The following EPHA6 variants were observed in gnomAD, a reference collection of about 807,000 sequenced individuals.
The protein encoded by EPHA6 is EPH receptor A6.
EPHA6 carries 50 observed loss-of-function variants against 112.0 expected under a neutral mutation model. That is an observed-to-expected ratio of 0.45 (90% CI 0.36 to 0.56). EPHA6 has a LOEUF of 0.56. EPHA6 is among the 20% of genes least tolerant of loss of function. The pLI is 0.00. For synonymous variants in EPHA6, 529 were observed against 490.7 expected (o/e 1.08, Z -1.03); for missense variants, 1,280 against 1,417.4 (o/e 0.90, Z 1.56).
intron 2 of EPHA6, among the ~76,000 whole-genome samples, chr3:96,983,225 G>T (rs565385256): frequency 6.6e-6 from 1 of 152,240 alleles, no homozygotes; most frequent in South Asian, 2.1e-4. Context: ...GCTTCCTTCA[G>T]GAGCTCTTGT....
intron 3 of EPHA6, among the ~76,000 whole-genome samples, chr3:97,225,472 T>C (rs889273695): frequency 2.4e-4 from 37 of 152,238 alleles, no homozygotes; most frequent in Non-Finnish European, 2.4e-4. Flanking sequence ...ATGTTTCTCA[T>C]ATATTATTTA....
chr3:97,185,129 C>T (rs1328489740), intron 3 of EPHA6, among the ~76,000 whole-genome samples: 1 of 152,146 alleles, frequency 6.6e-6, no homozygotes, highest in African/African-American at 2.4e-5. Context: ...AAAACCTAGG[C>T]AATACCATTC....
intron 3 of EPHA6, among the ~76,000 whole-genome samples, chr3:97,029,740 GTTTA>G (rs2044759467): frequency 6.6e-6 from 1 of 151,996 alleles, no homozygotes; most frequent in East Asian, 1.9e-4. Context: ...TCTCATCAAA[GTTTA>G]TTTAAAGAAC....
chr3:97,466,261 C>T (rs1352552133), intron 7 of EPHA6: 2 of 1,118,164 alleles, frequency 1.8e-6, no homozygotes, highest in South Asian at 1.2e-5. Flanking sequence ...CAAAAGATGA[C>T]AGTAAGGTTA....
rs1429577242 is a variant in EPHA6 at position 97,546,527 on chromosome 3, C to A, written c.2386+13984C>A. On this transcript the variant is annotated intron_variant, in intron 11 of 17. Transcript: ENST00000389672. ...TTCCTTCATTTCAACTTTGGTAAAT[C>A]TGACAATTATGTGTCTTGGGGTTGC... is the stretch of plus-strand genomic sequence containing the variant. Among the ~76,000 whole-genome samples, 6 of 152,240 alleles carry A rather than the reference C, an allele frequency of 3.9e-5. No individual in the cohort carries two copies. In the South Asian group the frequency reaches 1.2e-3, roughly 32 times the overall value.
rs553666021 is a variant in EPHA6, at chr3:96,970,507, G to A, written c.451-16823G>A. Among the ~76,000 whole-genome samples the A allele has an allele frequency of 3.9e-5, 6 of 152,144 alleles. No homozygotes were observed. The South Asian group carries it at 1.2e-3, about 32-fold the overall frequency. On this transcript the variant is annotated intron_variant, in intron 2 of 17. Transcript: ENST00000389672. Reference sequence around the variant, plus strand: ...AAAGTTTACATATTTTCCATCTCATGTCATATATAGAATCATTACTTGAGC... The same window carrying A: ...AAAGTTTACATATTTTCCATCTCATATCATATATAGAATCATTACTTGAGC...
chr3:97,053,445 C>G (rs1374947969), intron 3 of EPHA6, among the ~76,000 whole-genome samples: 1 of 152,080 alleles, frequency 6.6e-6, no homozygotes, highest in Non-Finnish European at 1.5e-5. Flanking sequence ...AATTCCTCTT[C>G]TGACCACAGT....
chr3:97,421,178 C>T (rs1054692475), intron 6 of EPHA6, among the ~76,000 whole-genome samples: 2 of 151,844 alleles, frequency 1.3e-5, no homozygotes, highest in African/African-American at 4.8e-5. Context: ...TAGAGGATCT[C>T]GCCATTCCAA....
chr3:97,725,869 C>G (rs760458898), intron 15 of EPHA6, among the ~76,000 whole-genome samples: 4 of 152,060 alleles, frequency 2.6e-5, no homozygotes, highest in Non-Finnish European at 5.9e-5. Flanking sequence ...CTAGAAAGAT[C>G]TGGGATCGAA....
At chr3:97,172,241 A>G (rs1227216539) in intron 3 of EPHA6, among the ~76,000 whole-genome samples, 1 of 152,064 alleles carries the variant, frequency 6.6e-6, no homozygotes, top group African/African-American at 2.4e-5. Flanking sequence ...TAACTATTAT[A>G]TCTTACCTAT....
intron 10 of EPHA6, among the ~76,000 whole-genome samples, chr3:97,510,004 A>G (rs879513166): frequency 6.6e-6 from 1 of 152,096 alleles, no homozygotes. Context: ...TGTACACTTC[A>G]TGAACTTCTT....
intron 3 of EPHA6, among the ~76,000 whole-genome samples, chr3:97,093,514 C>T (rs941158367): frequency 6.6e-6 from 1 of 152,010 alleles, no homozygotes; most frequent in African/African-American, 2.4e-5. Context: ...CGTGTAACTG[C>T]ACTCCAGCCT....
intron 2 of EPHA6, among the ~76,000 whole-genome samples, chr3:96,947,004 C>G (rs1189394062): frequency 6.6e-6 from 1 of 151,286 alleles, no homozygotes; most frequent in Non-Finnish European, 1.5e-5. Flanking sequence ...TATCCTTCGC[C>G]CACTTTTTGA....
intron 14 of EPHA6, among the ~76,000 whole-genome samples, chr3:97,662,231 A>G (rs1375483048): frequency 3.9e-5 from 6 of 152,204 alleles, no homozygotes; most frequent in Non-Finnish European, 8.8e-5. Context: ...CTTTATGTGA[A>G]TATCTCCTGA....
chr3:96,941,203 T>C (rs1288967124), intron 2 of EPHA6, among the ~76,000 whole-genome samples: 2 of 152,226 alleles, frequency 1.3e-5, no homozygotes, highest in African/African-American at 4.8e-5. Context: ...TTTTCCAACT[T>C]GGTTCCATTC....
intron 5 of EPHA6, among the ~76,000 whole-genome samples, chr3:97,318,278 G>C (rs1188842289): frequency 6.6e-6 from 1 of 152,010 alleles, no homozygotes; most frequent in Non-Finnish European, 1.5e-5. Context: ...AATCTTCACT[G>C]ATGAAGAATT....
At chr3:97,726,849 A>C (rs1400396465) in intron 15 of EPHA6, among the ~76,000 whole-genome samples, 2 of 152,066 alleles carry the variant, frequency 1.3e-5, no homozygotes, top group Admixed American at 1.3e-4. Flanking sequence ...GCAAAACACG[A>C]ACAGCAGGCA....
At chr3:97,124,490 A>AAAGG (rs1491163808) in intron 3 of EPHA6, among the ~76,000 whole-genome samples, 1 of 145,694 alleles carries the variant, frequency 6.9e-6, no homozygotes, top group Non-Finnish European at 1.5e-5. Flanking sequence ...AGAAAGAAAG[A>AAAGG]AAGAAAGAAA....
chr3:97,295,503 G>T (rs2080843307), intron 5 of EPHA6, among the ~76,000 whole-genome samples: 1 of 147,218 alleles, frequency 6.8e-6, no homozygotes, highest in African/African-American at 2.5e-5. Context: ...TGTATTGTTT[G>T]TTTGTGTTTT....
Sources: gnomAD v4.1 joint callset for allele counts (sites outside exome capture counted in the v4.1 genomes callset) on GRCh38, gnomAD v4.1.1 for gene constraint, MANE v1.5 for transcripts, NCBI Gene and HGNC (gene_info 2026-07-23, HGNC 2026-07-21) for gene names.